MCHR2: variants seen among roughly 807,000 people sequenced by gnomAD.
MCHR2 encodes the protein melanin concentrating hormone receptor 2.
In MCHR2, 15 loss-of-function variants were observed where a neutral mutation model predicts 24.8. That is an observed-to-expected ratio of 0.60 (90% CI 0.40 to 0.93). The LOEUF (loss-of-function observed/expected upper bound fraction) is 0.93. Among genes scored for constraint, MCHR2 ranks in the 40% least tolerant of loss-of-function variants. MCHR2 has a pLI of 0.00. For missense variants in MCHR2, 386 were observed against 408.7 expected (o/e 0.94, Z 0.48); for synonymous variants, 151 against 147.6 (o/e 1.02, Z -0.17).
intron 1 of MCHR2, among the ~76,000 whole-genome samples, chr6:99,959,355 A>T (rs990223423): frequency 6.6e-6 from 1 of 151,930 alleles, no homozygotes; most frequent in Admixed American, 6.6e-5. Flanking sequence ...TGTCCCCTGA[A>T]TCTGTAGCTA....
chr6:99,935,490 C>T (rs1038589638), intron 4 of MCHR2, among the ~76,000 whole-genome samples: 1 of 152,006 alleles, frequency 6.6e-6, no homozygotes, highest in African/African-American at 2.4e-5. Context: ...GCTCGTTTCA[C>T]TTAACATAAT....
At chr6:99,953,047 C>T (rs1322575689) in intron 2 of MCHR2, among the ~76,000 whole-genome samples, 1 of 152,104 alleles carries the variant, frequency 6.6e-6, no homozygotes. Flanking sequence ...AAATCTGTTT[C>T]CATAAGTTAC....
rs942452068 is a variant in MCHR2 at position 99,948,080 on chromosome 6, A to G, written c.183-109T>C. The G allele has an allele frequency of 3.3e-6, 3 of 906,366 alleles. No individual in the cohort carries two copies. The African/African-American group carries it at 5.0e-5, about 15-fold the overall frequency. The allele number at this position is 906,366 out of a possible 1,614,324, so 56.1% of individuals were successfully genotyped here. On this transcript the variant is annotated intron_variant, in intron 2 of 5. Transcript: ENST00000281806. ...TGACATAATGCATTTTAAATGTTAAAGGAAAACCTATACAGATGCATAGAG... is the reference window on the plus strand; with the variant it reads ...TGACATAATGCATTTTAAATGTTAAGGGAAAACCTATACAGATGCATAGAG...
At chr6:99,975,912 C>A (rs1032234068) in intron 1 of MCHR2, among the ~76,000 whole-genome samples, 1 of 152,174 alleles carries the variant, frequency 6.6e-6, no homozygotes, top group African/African-American at 2.4e-5. Flanking sequence ...CATTTGAATT[C>A]TTTTGCTAAG....
rs550840591 is a variant in MCHR2 at position 99,929,545 on chromosome 6, A to G, written c.707+4853T>C. 2.2e-3 allele frequency among the ~76,000 whole-genome samples: 334 copies of G among 152,246 alleles called. 1 individual carries two copies. The highest frequency in any genetic ancestry group is 7.8e-3 in the African/African-American group (322 of 41,542). On this transcript the variant is annotated intron_variant, in intron 5 of 5. Transcript: ENST00000281806. The stretch of plus-strand genomic sequence containing the variant: ...TGCTGTATTGGGTGCATATATATTT[A>G]GGATAGTTAGCTCTTCTTGTTGAAT...
chr6:99,971,005 G>A (rs1290199233), intron 1 of MCHR2, among the ~76,000 whole-genome samples: 3 of 152,098 alleles, frequency 2.0e-5, no homozygotes, highest in Admixed American at 1.3e-4. Context: ...TGATGCCTCT[G>A]GCTTTGTTCT....
intron 5 of MCHR2, 91 bp from the exon 6 acceptor site, chr6:99,921,346 T>C (rs951110669): frequency 1.7e-6 from 2 of 1,143,416 alleles, no homozygotes; most frequent in South Asian, 1.5e-5. Flanking sequence ...CAGTTCATAA[T>C]GGCTTTGTAG....
At chr6:99,974,946 A>C (rs1775516643) in intron 1 of MCHR2, among the ~76,000 whole-genome samples, 1 of 152,178 alleles carries the variant, frequency 6.6e-6, no homozygotes, top group Non-Finnish European at 1.5e-5. Flanking sequence ...TTTGTCTCAG[A>C]GGAGTACCTG....
At chr6:99,979,177 T>C (rs1053402010) in intron 1 of MCHR2, among the ~76,000 whole-genome samples, 4 of 152,222 alleles carry the variant, frequency 2.6e-5, no homozygotes, top group Non-Finnish European at 5.9e-5. Flanking sequence ...ATGCCCATTT[T>C]CTGACATATG....
At chr6:99,990,104 T>C (rs957577972) in intron 1 of MCHR2, among the ~76,000 whole-genome samples, 1 of 152,182 alleles carries the variant, frequency 6.6e-6, no homozygotes, top group Non-Finnish European at 1.5e-5. Context: ...AGCAGAGCAT[T>C]GTAAATGAAT....
At chr6:99,978,423 T>TG (rs1554196741) in intron 1 of MCHR2, among the ~76,000 whole-genome samples, 2 of 141,090 alleles carry the variant, frequency 1.4e-5, no homozygotes, top group African/African-American at 5.3e-5. Flanking sequence ...CAAGACAGTT[T>TG]TTTTTTTTTT....
intron 1 of MCHR2, among the ~76,000 whole-genome samples, chr6:99,976,419 G>A (rs920330813): frequency 6.6e-6 from 1 of 152,184 alleles, no homozygotes; most frequent in African/African-American, 2.4e-5. Context: ...GCAGCTTTGG[G>A]GTACCTCCAG....
chr6:99,983,964 T>G (rs1347602209), intron 1 of MCHR2, among the ~76,000 whole-genome samples: 1 of 152,196 alleles, frequency 6.6e-6, no homozygotes, highest in Non-Finnish European at 1.5e-5. Context: ...AGGATTGGAC[T>G]CTTTACAAGG....
intron 1 of MCHR2, among the ~76,000 whole-genome samples, chr6:99,988,505 C>T (rs1355554102): frequency 4.6e-5 from 7 of 152,180 alleles, no homozygotes; most frequent in South Asian, 4.1e-4. Context: ...GTGTCACATG[C>T]TCTTTGCCAA....
intron 5 of MCHR2, among the ~76,000 whole-genome samples, chr6:99,930,043 A>G (rs973283322): frequency 1.3e-5 from 2 of 150,786 alleles, no homozygotes; most frequent in Non-Finnish European, 3.0e-5. Flanking sequence ...GGTGGTGACA[A>G]AATCTCTCAG....
In MCHR2 at chr6:99,923,663, T is replaced by C. The variant is rs1376984432; in HGVS notation, c.708-2408A>G. 2.0e-5 allele frequency among the ~76,000 whole-genome samples: 3 copies of C among 152,056 alleles called. No individual in the cohort carries two copies. The East Asian group carries it at 5.8e-4, about 29-fold the overall frequency. ...GATATTTCTATTTATTATATTGAAT[T>C]TAAATGATCATATGTTGATCATTTA... On this transcript the variant is annotated intron_variant, in intron 5 of 5. Coordinates refer to ENST00000281806, the MANE Select transcript of MCHR2 (RefSeq NM_001040179.2).
chr6:99,924,414 G>T (rs890755255), intron 5 of MCHR2, among the ~76,000 whole-genome samples: 2 of 151,656 alleles, frequency 1.3e-5, no homozygotes, highest in African/African-American at 4.8e-5. Context: ...ATTCATTTCT[G>T]CTGTGATCTT....
intron 1 of MCHR2, among the ~76,000 whole-genome samples, chr6:99,967,984 T>C (rs947832142): frequency 7.9e-5 from 12 of 152,200 alleles, no homozygotes; most frequent in African/African-American, 2.4e-4. Context: ...AGGTTCCCCA[T>C]TGGTAAAACA....
chr6:99,985,899 G>A (rs1775759747), intron 1 of MCHR2, among the ~76,000 whole-genome samples: 1 of 152,036 alleles, frequency 6.6e-6, no homozygotes, highest in South Asian at 2.1e-4. Context: ...TACAGAATAG[G>A]CGAAGATATT....
Sources: allele counts gnomAD v4.1 joint callset (sites outside exome capture counted in the v4.1 genomes callset), GRCh38; gene constraint gnomAD v4.1.1; transcripts MANE v1.5; gene names NCBI Gene and HGNC (gene_info 2026-07-23, HGNC 2026-07-21).